VASH2: variants seen among roughly 807,000 people sequenced by gnomAD.
VASH2 encodes the protein vasohibin 2.
VASH2 carries 28 observed loss-of-function variants against 37.2 expected under a neutral mutation model. The observed-to-expected ratio is 0.75, with a 90% CI of 0.56 to 1.03. The LOEUF (loss-of-function observed/expected upper bound fraction) is 1.03. Ranked by LOEUF, VASH2 falls within the 50% of genes least tolerant of loss-of-function variation. VASH2 has a pLI of 0.00. For missense variants in VASH2, 419 were observed against 459.1 expected (o/e 0.91, Z 0.80); for synonymous variants, 188 against 174.7 (o/e 1.08, Z -0.60).
At chr1:212,963,492 TGCTCA>T (rs1666742037) in intron 3 of VASH2, among the ~76,000 whole-genome samples, 4 of 152,164 alleles carry the variant, frequency 2.6e-5, no homozygotes, top group Non-Finnish European at 5.9e-5. Context: ...ACTGTGAATG[TGCTCA>T]GCTGGCGGTG....
At chr1:212,965,673 T>C (rs1666819381) in intron 3 of VASH2, 49 bp from the exon 4 acceptor site, 1 of 1,482,110 alleles carries the variant, frequency 6.7e-7, no homozygotes, top group Admixed American at 2.0e-5. Context: ...GCCACATTAC[T>C]GGGACCTTTG....
intron 7 of VASH2, among the ~76,000 whole-genome samples, chr1:212,986,390 GTAA>G (rs1182022463): frequency 2.0e-5 from 3 of 152,138 alleles, no homozygotes; most frequent in African/African-American, 7.2e-5. Flanking sequence ...TTAGCTATTT[GTAA>G]AGATGACACC....
intron 7 of VASH2, among the ~76,000 whole-genome samples, chr1:212,987,563 A>C (rs114390108): frequency 0.013 from 1,945 of 152,316 alleles, 29 homozygotes; most frequent in South Asian, 0.039. Context: ...AACAAGGGCG[A>C]AACTCCGTCT....
Position 212,950,616 on chromosome 1 carries a change from G to A in VASH2, c.-329G>A, listed in dbSNP as rs1039659584. 6.5e-6 allele frequency: 1 copy of A among 154,066 alleles called. No homozygotes were observed. Among genetic ancestry groups the A allele is most frequent in the Admixed American group, 6.5e-5 (1 of 15,296 alleles). 9.5% of individuals were successfully genotyped at this position (154,066 alleles called of 1,614,324 possible). On this transcript the variant is annotated 5_prime_UTR_variant, in exon 1 of 8. The change abolishes an upstream ATG in the 5' untranslated region. Coordinates refer to ENST00000517399, the MANE Select transcript of VASH2 (RefSeq NM_001301056.2). This position sits in a 1 kb window ranked among gnomAD's most constrained non-coding sequence, Gnocchi z 5.5. ...AACATTCGAGAATGGGACATGGAAT[G>A]AGGCGACGGCCCCAGCAAGCCCCAG...
At chr1:212,961,672 A>C (rs1202591287) in intron 3 of VASH2, among the ~76,000 whole-genome samples, 1 of 152,148 alleles carries the variant, frequency 6.6e-6, no homozygotes, top group Non-Finnish European at 1.5e-5. Context: ...GCGCATTCTC[A>C]GCTCACTGAA....
rs567817840 is a variant in VASH2 at position 212,982,343 on chromosome 1, T to G, written c.996-6169T>G. Among the ~76,000 whole-genome samples, 6 of 152,260 alleles carry G rather than the reference T, an allele frequency of 3.9e-5. 1 individual carries two copies. The South Asian group carries it at 1.2e-3, about 32-fold the overall frequency. Reference sequence around the variant, plus strand: ...GCCGGAGAACCTTGAAAAAAGAAAATTCTTTCATTTCTTTGCCTTGTTTGG... The same window carrying G: ...GCCGGAGAACCTTGAAAAAAGAAAAGTCTTTCATTTCTTTGCCTTGTTTGG... On this transcript the variant is annotated intron_variant, in intron 7 of 7. Coordinates refer to ENST00000517399, the MANE Select transcript of VASH2 (RefSeq NM_001301056.2).
At chr1:212,958,643 CAG>C (rs1258760581) in intron 2 of VASH2, among the ~76,000 whole-genome samples, 3 of 152,208 alleles carry the variant, frequency 2.0e-5, no homozygotes, top group Non-Finnish European at 2.9e-5. Context: ...GGTGATTCCT[CAG>C]AGCATTTTCC....
chr1:212,988,473 T>C (rs761041949), intron 7 of VASH2, 39 bp from the exon 8 acceptor site: 14 of 1,605,112 alleles, frequency 8.7e-6, no homozygotes, highest in Non-Finnish European at 1.2e-5. Flanking sequence ...CTTTGCCCCA[T>C]CCCCTCTCCT....
chr1:212,952,304 G>A (rs936518469), intron 2 of VASH2: 1 of 152,612 alleles, frequency 6.6e-6, no homozygotes, highest in Admixed American at 6.5e-5. Context: ...TTCTCAGTGT[G>A]AATAATTTCC....
At chr1:212,961,467 G>T (rs964285620) in intron 3 of VASH2, 12 of 1,010,740 alleles carry the variant, frequency 1.2e-5, no homozygotes, top group Non-Finnish European at 1.6e-5. Context: ...TTCCCCTTGA[G>T]CCCTTCTGCT....
At chr1:212,974,414 T>C (rs1667112513) in intron 7 of VASH2, among the ~76,000 whole-genome samples, 1 of 152,204 alleles carries the variant, frequency 6.6e-6, no homozygotes, top group Non-Finnish European at 1.5e-5. Context: ...GATGTCTTTG[T>C]TATCTTTCTG....
chr1:212,955,144 G>T (rs776636965), intron 2 of VASH2, among the ~76,000 whole-genome samples: 6 of 152,182 alleles, frequency 3.9e-5, no homozygotes, highest in Non-Finnish European at 8.8e-5. Flanking sequence ...TAGGGTGGCG[G>T]CGGTGGTAAA....
intron 7 of VASH2, among the ~76,000 whole-genome samples, chr1:212,979,733 C>T (rs1041835802): frequency 6.6e-6 from 1 of 152,164 alleles, no homozygotes. Context: ...AGAGGGAAAC[C>T]AGGACTCCCC....
intron 7 of VASH2, among the ~76,000 whole-genome samples, chr1:212,979,950 G>T (rs911579563): frequency 1.3e-5 from 2 of 152,184 alleles, no homozygotes; most frequent in Non-Finnish European, 1.5e-5. Context: ...CTTCACTAAG[G>T]GGTGTTCCCA....
At chr1:212,979,485 C>G (rs1453518789) in intron 7 of VASH2, among the ~76,000 whole-genome samples, 6 of 152,156 alleles carry the variant, frequency 3.9e-5, no homozygotes, top group African/African-American at 1.4e-4. Flanking sequence ...AGGCGAGAGG[C>G]CCATCAGCTG....
intron 5 of VASH2, among the ~76,000 whole-genome samples, chr1:212,970,516 TATAAC>T (rs1666979733): frequency 6.6e-6 from 1 of 151,618 alleles, no homozygotes; most frequent in Non-Finnish European, 1.5e-5. Flanking sequence ...TGTGGTAAAA[TATAAC>T]ATAATTTACC....
chr1:212,989,471 T>A lies in VASH2; in HGVS notation c.*887T>A, dbSNP rs1342824175. 6.6e-6 allele frequency: 1 copy of A among 152,068 alleles called. No individual in the cohort carries two copies. Among genetic ancestry groups the A allele is most frequent in the Non-Finnish European group, 1.5e-5 (1 of 68,018 alleles). 9.4% of individuals were successfully genotyped at this position (152,068 alleles called of 1,614,324 possible). On this transcript the variant is annotated 3_prime_UTR_variant, in exon 8 of 8. Coordinates refer to ENST00000517399, the MANE Select transcript of VASH2 (RefSeq NM_001301056.2). ...AACACACTCAGGCAGAGACCAGGAGTGATCAGCAGGTCTTCAGAACCAAAA... is the reference window on the plus strand; with the variant it reads ...AACACACTCAGGCAGAGACCAGGAGAGATCAGCAGGTCTTCAGAACCAAAA...
chr1:212,985,506 G>A (rs1049923137), intron 7 of VASH2, among the ~76,000 whole-genome samples: 2 of 148,138 alleles, frequency 1.4e-5, no homozygotes, highest in Admixed American at 6.8e-5. Context: ...TGCAACCTCC[G>A]CTTCCCAGGT....
intron 7 of VASH2, among the ~76,000 whole-genome samples, chr1:212,984,838 C>T (rs746424530): frequency 3.9e-5 from 6 of 152,178 alleles, no homozygotes; most frequent in Non-Finnish European, 5.9e-5. Flanking sequence ...AGAAGACTGA[C>T]TCCTAGAAGT....
Sources: gnomAD v4.1 joint callset for allele counts (sites outside exome capture counted in the v4.1 genomes callset) on GRCh38, gnomAD v4.1.1 for gene constraint, Gnocchi (gnomAD v3.1) non-coding constraint, MANE v1.5 for transcripts, NCBI Gene and HGNC (gene_info 2026-07-23, HGNC 2026-07-21) for gene names.